CSGALNACT1: variants seen among roughly 807,000 people sequenced by gnomAD.
CSGALNACT1 encodes chondroitin sulfate N-acetylgalactosaminyltransferase 1.
Under a neutral mutation model 51.0 loss-of-function variants are expected in CSGALNACT1, and 52 were observed. The observed-to-expected ratio is 1.02, with a 90% confidence interval of 0.82 to 1.29. The LOEUF is 1.29. Ranked by LOEUF, CSGALNACT1 falls within the 50% of genes most tolerant of loss-of-function variation. The pLI is 0.00. For missense variants in CSGALNACT1, 935 were observed against 679.2 expected (o/e 1.38, Z -4.19); for synonymous variants, 341 against 254.4 (o/e 1.34, Z -3.24).
chr8:19,451,350 T>C (rs1252369048), intron 5 of CSGALNACT1, among the ~76,000 whole-genome samples: 2 of 152,216 alleles, frequency 1.3e-5, no homozygotes, highest in African/African-American at 4.8e-5. Flanking sequence ...CCTCTTCCCA[T>C]ATTGTTATTG....
intron 4 of CSGALNACT1, among the ~76,000 whole-genome samples, chr8:19,498,975 A>T (rs4922043): frequency 5.3e-4 from 81 of 152,254 alleles, no homozygotes; most frequent in African/African-American, 1.9e-3. Context: ...AATTGGCTGG[A>T]CATGGTGGTA....
intron 4 of CSGALNACT1, among the ~76,000 whole-genome samples, chr8:19,492,531 C>G (rs145296738): frequency 1.2e-3 from 181 of 152,324 alleles, no homozygotes; most frequent in African/African-American, 4.2e-3. Flanking sequence ...GCCATCTACC[C>G]TGCTGGAGCT....
At chr8:19,652,912 C>T (rs935528212) in intron 1 of CSGALNACT1, among the ~76,000 whole-genome samples, 1 of 152,100 alleles carries the variant, frequency 6.6e-6, no homozygotes, top group Admixed American at 6.6e-5. Context: ...TCTCTGTGGC[C>T]TTCCAGCTTT....
chr8:19,674,827 T>C (rs1167645522), intron 1 of CSGALNACT1, among the ~76,000 whole-genome samples: 1 of 151,798 alleles, frequency 6.6e-6, no homozygotes, highest in Non-Finnish European at 1.5e-5. Flanking sequence ...TGTAGATATA[T>C]TTTGAAAAAA....
At chr8:19,450,942 A>C (rs559433758) in intron 5 of CSGALNACT1, among the ~76,000 whole-genome samples, 1 of 152,216 alleles carries the variant, frequency 6.6e-6, no homozygotes, top group African/African-American at 2.4e-5. Context: ...AATAATAAAA[A>C]AAAAGGACTC....
chr8:19,593,734 C>A (rs967058751), intron 2 of CSGALNACT1, among the ~76,000 whole-genome samples: 4 of 152,164 alleles, frequency 2.6e-5, no homozygotes, highest in African/African-American at 7.2e-5. Context: ...CTGTGCAGCT[C>A]CTCTCATTCT....
intron 1 of CSGALNACT1, among the ~76,000 whole-genome samples, chr8:19,662,661 G>C (rs78106040): frequency 1.3e-5 from 2 of 152,294 alleles, no homozygotes; most frequent in African/African-American, 4.8e-5. Flanking sequence ...ATCTGTGCCT[G>C]CTAAGTGGAT....
chr8:19,538,607 A>G (rs1481890166), intron 3 of CSGALNACT1, among the ~76,000 whole-genome samples: 5 of 152,184 alleles, frequency 3.3e-5, no homozygotes, highest in African/African-American at 1.2e-4. Flanking sequence ...AACATCAGCC[A>G]ACATTCGGTG....
intron 1 of CSGALNACT1, among the ~76,000 whole-genome samples, chr8:19,692,123 G>C (rs1027779097): frequency 2.6e-5 from 4 of 152,060 alleles, no homozygotes; most frequent in African/African-American, 4.8e-5. Context: ...TCACTATCAC[G>C]AGAACAGCAT....
At chr8:19,550,261 C>G (rs1564006417) in intron 3 of CSGALNACT1, among the ~76,000 whole-genome samples, 2 of 152,292 alleles carry the variant, frequency 1.3e-5, no homozygotes, top group South Asian at 4.1e-4. Context: ...GCCAGGACAA[C>G]AGATGTACAG....
intron 3 of CSGALNACT1, among the ~76,000 whole-genome samples, chr8:19,571,505 G>A (rs548456069): frequency 7.3e-5 from 11 of 149,948 alleles, no homozygotes; most frequent in Non-Finnish European, 3.0e-5. Flanking sequence ...GGAAAGAGTC[G>A]CTGTCAGCTG....
intron 1 of CSGALNACT1, among the ~76,000 whole-genome samples, chr8:19,618,629 C>CAAAAAAAAAAAAAAAAAAAAAAAAAAAAA (rs60787326): frequency 6.2e-5 from 4 of 64,034 alleles, no homozygotes; most frequent in Non-Finnish European, 5.7e-5. Context: ...AATACTCCAT[C>CAAAAAAAAAAAAAAAAAAAAAAAAAAAAA]AAAAAAAAAA....
intron 1 of CSGALNACT1, among the ~76,000 whole-genome samples, chr8:19,621,072 T>C (rs1023121356): frequency 5.9e-5 from 9 of 152,346 alleles, no homozygotes; most frequent in African/African-American, 1.9e-4. Context: ...CTGAGTTCTT[T>C]ATCAGGAAAA....
At chr8:19,467,533 G>T (rs1251098260) in intron 4 of CSGALNACT1, among the ~76,000 whole-genome samples, 1 of 152,088 alleles carries the variant, frequency 6.6e-6, no homozygotes, top group Non-Finnish European at 1.5e-5. Flanking sequence ...GAAAATGAAG[G>T]CAGGTTAGGA....
intron 1 of CSGALNACT1, among the ~76,000 whole-genome samples, chr8:19,672,826 G>A (rs1228077201): frequency 6.6e-6 from 1 of 152,108 alleles, no homozygotes; most frequent in Non-Finnish European, 1.5e-5. Flanking sequence ...AGAAAATACT[G>A]CACTCAAAAA....
intron 1 of CSGALNACT1, among the ~76,000 whole-genome samples, chr8:19,649,522 G>C (rs1270564329): frequency 6.6e-6 from 1 of 152,012 alleles, no homozygotes; most frequent in African/African-American, 2.4e-5. Flanking sequence ...TGTTGTCTTA[G>C]TCCTATGTGT....
At chr8:19,616,534 A>G (rs2154156143) in intron 1 of CSGALNACT1, among the ~76,000 whole-genome samples, 1 of 152,278 alleles carries the variant, frequency 6.6e-6, no homozygotes, top group South Asian at 2.1e-4. Flanking sequence ...TCTCATGTTG[A>G]AATGTAATCT....
intron 2 of CSGALNACT1, among the ~76,000 whole-genome samples, chr8:19,598,793 C>T (rs990216248): frequency 2.0e-5 from 3 of 152,208 alleles, no homozygotes; most frequent in Non-Finnish European, 4.4e-5. Flanking sequence ...TGCAATGACA[C>T]GTGCCCATAA....
At chr8:19,527,403 C>T (rs541451004) in intron 3 of CSGALNACT1, among the ~76,000 whole-genome samples, 1 of 152,144 alleles carries the variant, frequency 6.6e-6, no homozygotes. Context: ...GAGTTCAAGA[C>T]CAGCCAGGCC....
Sources: allele counts gnomAD v4.1 joint callset (sites outside exome capture counted in the v4.1 genomes callset), GRCh38; gene constraint gnomAD v4.1.1; transcripts MANE v1.5; gene names NCBI Gene and HGNC (gene_info 2026-07-23, HGNC 2026-07-21).